Variants in NTRK2 observed in about 807,000 individuals in gnomAD.
The protein encoded by NTRK2 is neurotrophic receptor tyrosine kinase 2.
In NTRK2, 13 loss-of-function variants were observed where a neutral mutation model predicts 94.5. The observed-to-expected ratio is 0.14, with a 90% confidence interval of 0.09 to 0.22. NTRK2 has a LOEUF of 0.22. Among genes scored for constraint, NTRK2 ranks in the 10% least tolerant of loss-of-function variants. NTRK2 has a pLI of 1.00. For synonymous variants in NTRK2, 372 were observed against 407.4 expected, an observed-to-expected ratio of 0.91 and a Z score of 1.05; for missense variants, 639 against 1,071.2, an observed-to-expected ratio of 0.60 and a Z score of 5.63.
intron 16 of NTRK2, 51 bp from the exon 17 acceptor site, chr9:84,955,232 T>A: frequency 1.4e-6 from 2 of 1,477,198 alleles, no homozygotes; most frequent in Non-Finnish European, 1.9e-6. Flanking sequence ...AAAGGGCCCC[T>A]GGAGTGAAAA....
chr9:85,016,233 G>A (rs1832208756), intron 17 of NTRK2, among the ~76,000 whole-genome samples: 1 of 152,142 alleles, frequency 6.6e-6, no homozygotes, highest in Non-Finnish European at 1.5e-5. Flanking sequence ...CCAGACCTGA[G>A]GGTACCTGCT....
chr9:84,747,255 A>G (rs746941793), intron 11 of NTRK2, among the ~76,000 whole-genome samples: 5 of 152,174 alleles, frequency 3.3e-5, no homozygotes, highest in Non-Finnish European at 7.3e-5. Flanking sequence ...GTAGATGACT[A>G]TATGCATTAC....
intron 14 of NTRK2, among the ~76,000 whole-genome samples, chr9:84,885,385 T>A (rs1011198560): frequency 6.6e-6 from 1 of 152,168 alleles, no homozygotes; most frequent in African/African-American, 2.4e-5. Context: ...AGAATGGCTA[T>A]CATACAAACA....
intron 17 of NTRK2, among the ~76,000 whole-genome samples, chr9:84,955,965 C>T (rs1824067485): frequency 2.0e-5 from 3 of 152,168 alleles, no homozygotes; most frequent in Admixed American, 1.3e-4. Flanking sequence ...GCCCATAGCA[C>T]CCACCCTGCT....
intron 6 of NTRK2, among the ~76,000 whole-genome samples, chr9:84,720,549 G>A (rs1193616115): frequency 6.6e-6 from 1 of 152,020 alleles, no homozygotes; most frequent in Non-Finnish European, 1.5e-5. Context: ...CAATGAAGAT[G>A]ACAATTCATA....
In NTRK2 at chr9:84,723,708, T is replaced by C. The variant is rs200807970; in HGVS notation, c.719T>C (p.Met240Thr). 6.2e-6 allele frequency: 10 copies of C among 1,614,098 alleles called. No individual in the cohort carries two copies. Among genetic ancestry groups the C allele is most frequent in the Non-Finnish European group, 7.6e-6 (9 of 1,179,948 alleles). ...GTTGGTAACCTGGTTTCCAAACATATGGTAAGGCTTGTGTTTGGCTGTGTC... is the reference window on the plus strand; with the variant it reads ...GTTGGTAACCTGGTTTCCAAACATACGGTAAGGCTTGTGTTTGGCTGTGTC... ...WDVGNLVSKHMNETSHTQGSL... is the reference protein window; with the variant it reads ...WDVGNLVSKHTNETSHTQGSL... The change falls in exon 7 of 19, where the codon ATG becomes ACG. Residue 240 changes from methionine to threonine, a missense_variant and splice_region_variant. Met to Thr is a moderately conservative substitution (Grantham distance 81, BLOSUM62 -1). Coordinates refer to ENST00000277120, the MANE Select transcript of NTRK2 (RefSeq NM_006180.6).
chr9:85,017,590 AGTTT>A (rs1173622263), intron 17 of NTRK2, among the ~76,000 whole-genome samples: 2 of 152,236 alleles, frequency 1.3e-5, no homozygotes, highest in Non-Finnish European at 2.9e-5. Context: ...ACCAAAGTTA[AGTTT>A]GTTCTTTCCT....
At chr9:84,932,366 G>A (rs144856967) in intron 14 of NTRK2, among the ~76,000 whole-genome samples, 1 of 152,298 alleles carries the variant, frequency 6.6e-6, no homozygotes, top group Non-Finnish European at 1.5e-5. Flanking sequence ...AACAGGTGAA[G>A]CTGAACAAGC....
intron 17 of NTRK2, among the ~76,000 whole-genome samples, chr9:85,006,199 C>A (rs1244238811): frequency 6.6e-6 from 1 of 152,168 alleles, no homozygotes; most frequent in Non-Finnish European, 1.5e-5. Context: ...TGTTGTAATG[C>A]AAATAGTCCA....
rs367591971 is a variant in NTRK2 at position 84,837,448 on chromosome 9, G to A, written c.1397-23592G>A. On this transcript the variant is annotated intron_variant, in intron 12 of 18. Coordinates refer to ENST00000277120, the MANE Select transcript of NTRK2 (RefSeq NM_006180.6). Reference sequence around the variant, plus strand: ...CTCAATATCTTCACATGTAAAATGAGAATAATAAGTTCTATGTTATAGAAT... The same window carrying A: ...CTCAATATCTTCACATGTAAAATGAAAATAATAAGTTCTATGTTATAGAAT... 1.2e-4 allele frequency among the ~76,000 whole-genome samples: 18 copies of A among 152,238 alleles called. No individual in the cohort carries two copies. The East Asian group carries it at 3.5e-3, about 29-fold the overall frequency.
chr9:84,982,368 C>G (rs10120942), intron 17 of NTRK2, among the ~76,000 whole-genome samples: 1 of 151,956 alleles, frequency 6.6e-6, no homozygotes, highest in Non-Finnish European at 1.5e-5. Context: ...AGAAACAGAT[C>G]TATCTGCTGG....
chr9:84,843,171 A>G (rs576046390), intron 12 of NTRK2, among the ~76,000 whole-genome samples: 4 of 152,258 alleles, frequency 2.6e-5, no homozygotes, highest in South Asian at 2.1e-4. Context: ...TCTTCCTACT[A>G]TATGGCACAC....
intron 12 of NTRK2, among the ~76,000 whole-genome samples, chr9:84,853,947 G>T (rs2074920830): frequency 6.6e-6 from 1 of 152,042 alleles, no homozygotes; most frequent in African/African-American, 2.4e-5. Flanking sequence ...AGGTGTGGTG[G>T]CACATGCCTG....
rs1170600531 is a variant in NTRK2, at chr9:84,995,546, T to C, written c.2173-24660T>C. Among the ~76,000 whole-genome samples the C allele has an allele frequency of 2.6e-5, 4 of 152,226 alleles. No homozygotes were observed. In the East Asian group the frequency reaches 7.8e-4, roughly 30 times the overall value. On this transcript the variant is annotated intron_variant, in intron 17 of 18. Transcript: ENST00000277120. ...AATGTCTGCACATTGGAGTTGATTC[T>C]GGCCTGGGGGATGAGAGGCTGTGCC... is the stretch of plus-strand genomic sequence containing the variant.
intron 17 of NTRK2, among the ~76,000 whole-genome samples, chr9:85,001,408 A>G (rs1394199063): frequency 3.3e-5 from 5 of 152,166 alleles, no homozygotes; most frequent in Admixed American, 3.3e-4. Flanking sequence ...GATCTCTGCC[A>G]CTGGTCCTCT....
In NTRK2 at chr9:84,742,198, A is replaced by G. The variant is rs78687658; in HGVS notation, c.1195+271A>G. 0.017 allele frequency among the ~76,000 whole-genome samples: 2,530 copies of G among 152,272 alleles called. 78 individuals carry two copies. Among genetic ancestry groups the G allele is most frequent in the African/African-American group, 0.057 (2,372 of 41,542 alleles). On this transcript the variant is annotated intron_variant, in intron 10 of 18. Coordinates refer to ENST00000277120, the MANE Select transcript of NTRK2 (RefSeq NM_006180.6). ...GCTGTAACAGACATCGTATTTCCTT[A>G]ATTGGGAACTAATTACCTGTTTAAA... is the stretch of plus-strand genomic sequence containing the variant.
intron 17 of NTRK2, among the ~76,000 whole-genome samples, chr9:85,001,299 C>T (rs1830315779): frequency 6.6e-6 from 1 of 152,176 alleles, no homozygotes; most frequent in Admixed American, 6.5e-5. Flanking sequence ...CTTGGGCAGC[C>T]AGAGTACAGA....
chr9:84,738,156 G>C (rs955654154), intron 9 of NTRK2, among the ~76,000 whole-genome samples: 2 of 151,344 alleles, frequency 1.3e-5, no homozygotes, highest in African/African-American at 4.9e-5. Context: ...AAGGCTTGAC[G>C]CTACTTCTTG....
chr9:84,672,488 A>T (rs771277707), intron 2 of NTRK2, among the ~76,000 whole-genome samples: 1 of 152,086 alleles, frequency 6.6e-6, no homozygotes, highest in Non-Finnish European at 1.5e-5. Flanking sequence ...CTTTTTCATG[A>T]GATGGGGTGT....
Sources: allele counts gnomAD v4.1 joint callset (sites outside exome capture counted in the v4.1 genomes callset), GRCh38; gene constraint gnomAD v4.1.1; transcripts MANE v1.5; gene names NCBI Gene and HGNC (gene_info 2026-07-23, HGNC 2026-07-21).